EYS: variants seen among roughly 807,000 people sequenced by gnomAD.
The protein encoded by EYS is EGF-like photoreceptor maintenance factor.
A neutral mutation model predicts 282.1 loss-of-function variants in EYS; 250 were observed. The observed-to-expected ratio is 0.89, with a 90% confidence interval of 0.80 to 0.98. The LOEUF is 0.98. Among genes scored for constraint, EYS ranks in the 50% least tolerant of loss-of-function variants. EYS has a pLI of 0.00. For missense variants in EYS, 4,016 were observed against 3,709.0 expected (o/e 1.08, Z -2.15); for synonymous variants, 1,355 against 1,282.9 (o/e 1.06, Z -1.20).
intron 12 of EYS, among the ~76,000 whole-genome samples, chr6:65,063,897 C>T (rs912505781): frequency 2.6e-5 from 4 of 151,680 alleles, no homozygotes; most frequent in Non-Finnish European, 2.9e-5. Context: ...AGCCAATAGT[C>T]TAAGTACTCT....
At chr6:65,591,754 T>C (rs958124031) in intron 2 of EYS, among the ~76,000 whole-genome samples, 13 of 152,054 alleles carry the variant, frequency 8.5e-5, no homozygotes, top group Non-Finnish European at 1.5e-4. Flanking sequence ...GACATGCCTT[T>C]GCGTTGGAAA....
At chr6:64,423,111 GT>G (rs1251730916) in intron 28 of EYS, among the ~76,000 whole-genome samples, 3 of 151,986 alleles carry the variant, frequency 2.0e-5, no homozygotes, top group Admixed American at 1.3e-4. Flanking sequence ...AAAGCATTTT[GT>G]TAGATCTTGA....
chr6:64,737,370 T>C (rs1313704441), intron 22 of EYS, among the ~76,000 whole-genome samples: 1 of 152,216 alleles, frequency 6.6e-6, no homozygotes, highest in Non-Finnish European at 1.5e-5. Context: ...TTTATGATGT[T>C]ATATAACGGT....
intron 22 of EYS, among the ~76,000 whole-genome samples, chr6:64,659,862 G>A (rs1416649022): frequency 2.6e-5 from 4 of 152,164 alleles, no homozygotes. Flanking sequence ...TAGAAAAAGA[G>A]GGACTCCTCC....
intron 12 of EYS, among the ~76,000 whole-genome samples, chr6:65,085,659 T>A (rs1219923419): frequency 6.6e-6 from 1 of 152,126 alleles, no homozygotes; most frequent in East Asian, 1.9e-4. Context: ...GTTTGATGAC[T>A]TTTTTAAAAA....
chr6:64,538,044 CTACTAAGTGTATAGCTAGG>C (rs147138996), intron 26 of EYS, among the ~76,000 whole-genome samples: 2,357 of 152,228 alleles, frequency 0.015, 49 homozygotes, highest in African/African-American at 0.053. Context: ...ATTAAACAAG[CTACTAAGTGTATAGCTAGG>C]ATGCATTAAA....
At chr6:65,582,494 A>G (rs1333844308) in intron 2 of EYS, among the ~76,000 whole-genome samples, 1 of 152,188 alleles carries the variant, frequency 6.6e-6, no homozygotes, top group Non-Finnish European at 1.5e-5. Flanking sequence ...GCTAGCTCTC[A>G]TGTCAACTGT....
intron 12 of EYS, among the ~76,000 whole-genome samples, chr6:65,083,968 G>T (rs1030896399): frequency 2.0e-5 from 3 of 151,396 alleles, no homozygotes; most frequent in Admixed American, 6.6e-5. Flanking sequence ...ATTTTTAAAA[G>T]ACATATTAGA....
intron 2 of EYS, among the ~76,000 whole-genome samples, chr6:65,575,341 A>C (rs1764624933): frequency 6.6e-6 from 1 of 150,760 alleles, no homozygotes; most frequent in Non-Finnish European, 1.5e-5. Flanking sequence ...TAAATAAATA[A>C]ATAAATAAAT....
At position 64,912,671 on chromosome 6, in the gene EYS, G is replaced by C. The variant is rs1180668984; in HGVS notation, c.2454C>G (p.Cys818Trp). Residue 818 changes from cysteine to tryptophan, a missense_variant, in exon 16 of 43, where the codon TGC becomes TGG. Coordinates refer to ENST00000503581, the MANE Select transcript of EYS (RefSeq NM_001142800.2). ...ATTCATGACAAAGACCTCCATTCAT[G>C]CATGGATCAGAGTCGCATTCATTTA... is the stretch of plus-strand genomic sequence containing the variant. ...EEINECDSDP[C>W]MNGGLCHEST... is the part of the protein sequence containing the mutation. 1 of 1,544,210 alleles carries C rather than the reference G, an allele frequency of 6.5e-7. No homozygotes were observed. The highest frequency in any genetic ancestry group is 8.8e-7 in the Non-Finnish European group (1 of 1,141,774).
intron 31 of EYS, among the ~76,000 whole-genome samples, chr6:64,220,335 A>T (rs1766060941): frequency 6.6e-6 from 1 of 152,158 alleles, no homozygotes; most frequent in African/African-American, 2.4e-5. Flanking sequence ...TCACCAGGAG[A>T]ATGGGAATAT....
intron 22 of EYS, among the ~76,000 whole-genome samples, chr6:64,744,130 A>T (rs556468553): frequency 6.6e-6 from 1 of 152,276 alleles, no homozygotes; most frequent in South Asian, 2.1e-4. Context: ...CTAATATTTA[A>T]AAAAAGCATA....
intron 15 of EYS, among the ~76,000 whole-genome samples, chr6:64,934,617 T>G (rs934893056): frequency 2.0e-5 from 3 of 151,116 alleles, no homozygotes; most frequent in Admixed American, 6.6e-5. Flanking sequence ...ATATTTGAAG[T>G]GCTAAAAGAA....
intron 2 of EYS, among the ~76,000 whole-genome samples, chr6:65,621,912 T>G (rs1766512896): frequency 6.6e-6 from 1 of 152,194 alleles, no homozygotes; most frequent in Non-Finnish European, 1.5e-5. Flanking sequence ...AATTAACAGG[T>G]GTTTATAAAG....
chr6:64,936,532 A>T (rs1768911416), intron 15 of EYS, among the ~76,000 whole-genome samples: 1 of 151,496 alleles, frequency 6.6e-6, no homozygotes, highest in Non-Finnish European at 1.5e-5. Flanking sequence ...TAAAAATCCT[A>T]AGGAATCGAC....
intron 22 of EYS, among the ~76,000 whole-genome samples, chr6:64,727,191 C>T (rs1771784745): frequency 6.6e-6 from 1 of 152,120 alleles, no homozygotes; most frequent in South Asian, 2.1e-4. Flanking sequence ...TTAGAAGAAG[C>T]CACTCATAAG....
intron 5 of EYS, among the ~76,000 whole-genome samples, chr6:65,415,535 C>G (rs940089868): frequency 2.6e-5 from 4 of 151,942 alleles, no homozygotes; most frequent in African/African-American, 9.7e-5. Flanking sequence ...GGGACAGATT[C>G]TAGATTAATG....
intron 12 of EYS, among the ~76,000 whole-genome samples, chr6:65,135,998 A>T (rs1776014623): frequency 1.3e-5 from 2 of 152,088 alleles, no homozygotes; most frequent in African/African-American, 4.8e-5. Context: ...TTTAATGGAA[A>T]CATTAACTTT....
In EYS at chr6:64,748,857, C is replaced by T. The variant is rs559418212; in HGVS notation, c.3443+64521G>A. On this transcript the variant is annotated intron_variant, in intron 22 of 42. Transcript: ENST00000503581. ...GCATGATCTCGGCTCACTGCAACCT[C>T]CACCTCCCAGGTTCAAGCAATTCCC... Among the ~76,000 whole-genome samples the T allele has an allele frequency of 7.2e-5, 11 of 152,340 alleles. No individual in the cohort carries two copies. The East Asian group carries it at 2.1e-3, about 29-fold the overall frequency.
Sources: allele counts gnomAD v4.1 joint callset (sites outside exome capture counted in the v4.1 genomes callset), GRCh38; gene constraint gnomAD v4.1.1; transcripts MANE v1.5; gene names NCBI Gene and HGNC (gene_info 2026-07-23, HGNC 2026-07-21).